DLG2: variants seen among roughly 807,000 people sequenced by gnomAD.
DLG2 encodes disks large homolog 2.
In DLG2, 45 loss-of-function variants were observed where a neutral mutation model predicts 132.5. That is an observed-to-expected ratio of 0.34 (90% CI 0.27 to 0.44). The LOEUF is 0.44. DLG2 is among the 20% of genes least tolerant of loss of function. The pLI, the probability that DLG2 is intolerant of heterozygous loss-of-function variation, is 1.00. For synonymous variants in DLG2, 424 were observed against 419.6 expected (o/e 1.01, Z -0.13); for missense variants, 1,045 against 1,196.9 (o/e 0.87, Z 1.87).
chr11:84,408,676 A>G (rs1483673927), intron 7 of DLG2, among the ~76,000 whole-genome samples: 1 of 152,204 alleles, frequency 6.6e-6, no homozygotes, highest in East Asian at 1.9e-4. Flanking sequence ...GCTTCATGGA[A>G]GCAAGCACAT....
chr11:84,759,154 A>G (rs1446488538), intron 6 of DLG2, among the ~76,000 whole-genome samples: 1 of 152,204 alleles, frequency 6.6e-6, no homozygotes, highest in Non-Finnish European at 1.5e-5. Flanking sequence ...CTGGGATTAC[A>G]GGCTTGAGAC....
intron 6 of DLG2, among the ~76,000 whole-genome samples, chr11:84,658,466 C>T (rs931169777): frequency 1.3e-5 from 2 of 152,088 alleles, no homozygotes; most frequent in African/African-American, 4.8e-5. Context: ...ATAAAAGAAA[C>T]TGTAGAGGGC....
At chr11:83,616,209 C>A (rs780792239) in intron 19 of DLG2, among the ~76,000 whole-genome samples, 2 of 152,134 alleles carry the variant, frequency 1.3e-5, no homozygotes, top group Non-Finnish European at 1.5e-5. Context: ...ATGCACATCC[C>A]TGTATATATT....
intron 7 of DLG2, among the ~76,000 whole-genome samples, chr11:84,295,170 T>C (rs2098072833): frequency 6.6e-6 from 1 of 152,190 alleles, no homozygotes; most frequent in Non-Finnish European, 1.5e-5. Context: ...TACAAATCAG[T>C]TCCTTGGTCA....
intron 6 of DLG2, among the ~76,000 whole-genome samples, chr11:84,630,030 T>A (rs913756532): frequency 6.6e-6 from 1 of 152,182 alleles, no homozygotes; most frequent in Non-Finnish European, 1.5e-5. Context: ...TGAGGTACAA[T>A]AGAGACACAT....
chr11:84,814,247 T>A (rs576282372), intron 6 of DLG2, among the ~76,000 whole-genome samples: 2 of 152,178 alleles, frequency 1.3e-5, no homozygotes, highest in South Asian at 4.2e-4. Context: ...ACCCAGCACG[T>A]TGAGCAGTGG....
At chr11:85,270,307 T>C (rs1292780300) in intron 4 of DLG2, among the ~76,000 whole-genome samples, 1 of 152,194 alleles carries the variant, frequency 6.6e-6, no homozygotes, top group Non-Finnish European at 1.5e-5. Flanking sequence ...AGTTGTCTTC[T>C]CTTGTCTGCC....
At chr11:84,667,498 G>GTT (rs57863742) in intron 6 of DLG2, among the ~76,000 whole-genome samples, 2,995 of 122,098 alleles carry the variant, frequency 0.025, 112 homozygotes, top group African/African-American at 0.04. Flanking sequence ...TTTGTTTTTT[G>GTT]TTTTTTTTTT....
intron 7 of DLG2, among the ~76,000 whole-genome samples, chr11:84,419,238 A>C (rs1319155030): frequency 6.6e-6 from 1 of 152,156 alleles, no homozygotes; most frequent in East Asian, 1.9e-4. Flanking sequence ...TGCTTAATTA[A>C]CTCAAACTTG....
chr11:85,087,177 G>A (rs1176799315), intron 6 of DLG2, among the ~76,000 whole-genome samples: 2 of 152,120 alleles, frequency 1.3e-5, no homozygotes, highest in Non-Finnish European at 2.9e-5. Flanking sequence ...GGCCATTACA[G>A]AGCTTACAAC....
At chr11:84,548,101 T>A (rs1331168753) in intron 6 of DLG2, among the ~76,000 whole-genome samples, 2 of 152,120 alleles carry the variant, frequency 1.3e-5, no homozygotes, top group African/African-American at 2.4e-5. Context: ...GGGTATGACA[T>A]CCCTGACAAA....
At chr11:83,554,278 T>C (rs910402237) in intron 19 of DLG2, among the ~76,000 whole-genome samples, 2 of 152,248 alleles carry the variant, frequency 1.3e-5, no homozygotes, top group Non-Finnish European at 1.5e-5. Flanking sequence ...ATTAATTTAC[T>C]GAACATTGAC....
In DLG2 at chr11:85,365,180, G is replaced by T. The variant is rs115610986; in HGVS notation, c.41-79815C>A. ...ACCTAGGACGGCATCCCACCTTGCT[G>T]ACTCTCAGGAGCGGCTCTTTTTGTA... is the stretch of plus-strand genomic sequence containing the variant. On this transcript the variant is annotated intron_variant, in intron 3 of 27. Transcript: ENST00000376104. Among the ~76,000 whole-genome samples the T allele has an allele frequency of 6.5e-3, 983 of 152,264 alleles. 10 individuals are homozygous for T. Among genetic ancestry groups the T allele is most frequent in the African/African-American group, 0.023 (947 of 41,560 alleles).
At chr11:83,474,532 C>G (rs558756311) in intron 22 of DLG2, among the ~76,000 whole-genome samples, 1 of 152,240 alleles carries the variant, frequency 6.6e-6, no homozygotes, top group African/African-American at 2.4e-5. Context: ...GGGAAGAATT[C>G]TGACCATGGG....
intron 3 of DLG2, among the ~76,000 whole-genome samples, chr11:85,542,922 G>T (rs1418564123): frequency 6.6e-6 from 1 of 152,140 alleles, no homozygotes; most frequent in Non-Finnish European, 1.5e-5. Context: ...ATTTTGGAAG[G>T]ATATACATCA....
intron 6 of DLG2, among the ~76,000 whole-genome samples, chr11:84,734,905 T>G (rs1198082745): frequency 6.6e-6 from 1 of 152,190 alleles, no homozygotes. Flanking sequence ...TCATGTGGTT[T>G]TTGTCTTTGG....
intron 7 of DLG2, among the ~76,000 whole-genome samples, chr11:84,291,664 G>C (rs778020561): frequency 2.0e-5 from 3 of 152,140 alleles, no homozygotes; most frequent in Non-Finnish European, 4.4e-5. Flanking sequence ...AGATCAGAGA[G>C]GCACAAGGGT....
At chr11:84,182,521 C>T (rs1205955285) in intron 8 of DLG2, among the ~76,000 whole-genome samples, 1 of 149,970 alleles carries the variant, frequency 6.7e-6, no homozygotes, top group African/African-American at 2.5e-5. Flanking sequence ...AAAGTGAGAC[C>T]CTGTCTCAAA....
chr11:85,040,725 G>C (rs2061789942), intron 6 of DLG2, among the ~76,000 whole-genome samples: 3 of 151,826 alleles, frequency 2.0e-5, no homozygotes, highest in Admixed American at 2.0e-4. Context: ...AAGTACTACT[G>C]CCAGAAGTTG....
Sources: allele counts gnomAD v4.1 joint callset (sites outside exome capture counted in the v4.1 genomes callset), GRCh38; gene constraint gnomAD v4.1.1; transcripts MANE v1.5; gene names NCBI Gene and HGNC (gene_info 2026-07-23, HGNC 2026-07-21).